The following PCDH9 variants were observed in gnomAD, a reference collection of about 807,000 sequenced individuals.
PCDH9 encodes the protein protocadherin 9, also known as protocadherin-9.
In PCDH9, 24 loss-of-function variants were observed where a neutral mutation model predicts 70.6. That is an observed-to-expected ratio of 0.34 (90% CI 0.25 to 0.48). PCDH9 has a LOEUF of 0.48. Among genes scored for constraint, PCDH9 ranks in the 20% least tolerant of loss-of-function variants. The pLI, the probability that PCDH9 is intolerant of heterozygous loss-of-function variation, is 0.99. For missense variants in PCDH9, 1,281 were observed against 1,503.6 expected, an observed-to-expected ratio of 0.85 and a Z score of 2.45; for synonymous variants, 562 against 558.5, an observed-to-expected ratio of 1.01 and a Z score of -0.09.
chr13:67,048,166 G>A (rs1360455290), intron 2 of PCDH9, among the ~76,000 whole-genome samples: 1 of 152,154 alleles, frequency 6.6e-6, no homozygotes, highest in Non-Finnish European at 1.5e-5. Flanking sequence ...ATTTCAAAAA[G>A]GATCCAAAGA....
chr13:66,936,026 A>G (rs2082910501), intron 2 of PCDH9, among the ~76,000 whole-genome samples: 1 of 152,222 alleles, frequency 6.6e-6, no homozygotes, highest in Non-Finnish European at 1.5e-5. Context: ...CAGAGGTTCC[A>G]GTGAGCTGAG....
At chr13:67,064,048 G>C (rs260136) in intron 2 of PCDH9, among the ~76,000 whole-genome samples, 8 of 151,792 alleles carry the variant, frequency 5.3e-5, no homozygotes, top group African/African-American at 1.9e-4. Context: ...AGTTCTCCTG[G>C]CCTCATTGTT....
intron 3 of PCDH9, among the ~76,000 whole-genome samples, chr13:66,814,584 C>T (rs1395191110): frequency 6.6e-6 from 1 of 152,178 alleles, no homozygotes; most frequent in Non-Finnish European, 1.5e-5. Context: ...AAAAACTTAA[C>T]GTTTATCTCT....
intron 2 of PCDH9, among the ~76,000 whole-genome samples, chr13:67,054,872 G>C (rs2085388418): frequency 2.0e-5 from 3 of 152,150 alleles, no homozygotes; most frequent in Admixed American, 2.0e-4. Context: ...TGTAGGCAAT[G>C]AATGGTCCAA....
intron 4 of PCDH9, among the ~76,000 whole-genome samples, chr13:66,309,039 T>C (rs1018496073): frequency 3.6e-4 from 54 of 152,112 alleles, no homozygotes; most frequent in Non-Finnish European, 6.3e-4. Context: ...ATTTTTAATT[T>C]TTGTAGTTAC....
intron 2 of PCDH9, chr13:67,204,791 A>T (rs1343980446): frequency 6.6e-6 from 1 of 152,162 alleles, no homozygotes; most frequent in African/African-American, 2.4e-5. Context: ...GTCATCTAGA[A>T]AGCTAATTCA....
chr13:66,659,128 G>A (rs1383379670), intron 3 of PCDH9, among the ~76,000 whole-genome samples: 1 of 152,020 alleles, frequency 6.6e-6, no homozygotes, highest in Non-Finnish European at 1.5e-5. Context: ...AAAATTAACC[G>A]AAATTAAAGA....
intron 2 of PCDH9, among the ~76,000 whole-genome samples, chr13:67,185,738 T>A (rs1366929307): frequency 5.3e-5 from 8 of 152,196 alleles, no homozygotes; most frequent in African/African-American, 1.7e-4. Context: ...TCTGTGTTTT[T>A]GTTTTTGTTT....
intron 4 of PCDH9, among the ~76,000 whole-genome samples, chr13:66,443,669 C>T (rs1958016550): frequency 6.6e-6 from 1 of 151,804 alleles, no homozygotes. Context: ...AAATTAAGAG[C>T]TTGTCTTCAG....
chr13:66,551,869 AT>A (rs1398519666), intron 4 of PCDH9, among the ~76,000 whole-genome samples: 2 of 152,086 alleles, frequency 1.3e-5, no homozygotes, highest in African/African-American at 4.8e-5. Flanking sequence ...TTGCTTGTTC[AT>A]TTTTTCAAAT....
chr13:66,314,218 T>C (rs897975676), intron 4 of PCDH9, among the ~76,000 whole-genome samples: 1 of 152,256 alleles, frequency 6.6e-6, no homozygotes, highest in Non-Finnish European at 1.5e-5. Context: ...AGAACTTACC[T>C]GTCTGCCTTC....
intron 2 of PCDH9, among the ~76,000 whole-genome samples, chr13:67,108,845 T>C (rs2086599189): frequency 1.3e-5 from 2 of 152,218 alleles, no homozygotes; most frequent in African/African-American, 4.8e-5. Flanking sequence ...CAGTTTTCCA[T>C]TTTAATAATG....
At chr13:66,547,905 A>AATAATATGATATTTAATCATATTATTAT (rs1225348894) in intron 4 of PCDH9, among the ~76,000 whole-genome samples, 14 of 81,604 alleles carry the variant, frequency 1.7e-4, no homozygotes, top group East Asian at 4.3e-4. Context: ...ATTATTATAT[A>AATAATATGATATTTAATCATATTATTAT]ATAATATATT....
chr13:66,521,847 T>C (rs986786359), intron 4 of PCDH9, among the ~76,000 whole-genome samples: 1 of 152,038 alleles, frequency 6.6e-6, no homozygotes, highest in Non-Finnish European at 1.5e-5. Flanking sequence ...GAAAGAACTG[T>C]GTACACACCT....
At chr13:67,207,044 G>C (rs2138070571) in intron 2 of PCDH9, 2 of 151,474 alleles carry the variant, frequency 1.3e-5, no homozygotes, top group Middle Eastern at 6.9e-3. Flanking sequence ...TATACTGTCT[G>C]TGAATGTTCA....
chr13:66,476,303 T>C (rs1489548924), intron 4 of PCDH9, among the ~76,000 whole-genome samples: 1 of 41,522 alleles, frequency 2.4e-5, no homozygotes, highest in African/African-American at 8.9e-5. Flanking sequence ...ACAGGAAAAT[T>C]ACATTTTAAA....
intron 4 of PCDH9, among the ~76,000 whole-genome samples, chr13:66,622,720 A>G (rs1300316973): frequency 6.6e-6 from 1 of 152,146 alleles, no homozygotes; most frequent in Non-Finnish European, 1.5e-5. Context: ...GTCTCTACCA[A>G]TCAGCAGGAT....
At chr13:66,517,278 C>T (rs796259665) in intron 4 of PCDH9, among the ~76,000 whole-genome samples, 12 of 152,050 alleles carry the variant, frequency 7.9e-5, no homozygotes, top group African/African-American at 2.4e-4. Context: ...TGTAACTGAC[C>T]GATTTATTAA....
intron 4 of PCDH9, among the ~76,000 whole-genome samples, chr13:66,437,853 G>T (rs1032245999): frequency 3.3e-5 from 5 of 152,136 alleles, no homozygotes; most frequent in African/African-American, 1.2e-4. Flanking sequence ...CTAAAAGAAA[G>T]CTGGAAGAGT....
Sources: allele counts gnomAD v4.1 joint callset (sites outside exome capture counted in the v4.1 genomes callset), GRCh38; gene constraint gnomAD v4.1.1; transcripts MANE v1.5; gene names NCBI Gene and HGNC (gene_info 2026-07-23, HGNC 2026-07-21).